Variants in MUC4 observed in about 807,000 individuals in gnomAD.
MUC4 encodes mucin-4.
In MUC4, 202 loss-of-function variants were observed where a neutral mutation model predicts 257.9. That is an observed-to-expected ratio of 0.78 (90% CI 0.70 to 0.88). The LOEUF is 0.88. Ranked by LOEUF, MUC4 falls within the 40% of genes least tolerant of loss-of-function variation. The pLI is 0.00. For missense variants in MUC4, 5,976 were observed against 6,513.7 expected (o/e 0.92, Z 2.84); for synonymous variants, 2,351 against 2,757.1 (o/e 0.85, Z 4.62).
At chr3:195,752,184 C>T (rs922845214) in intron 21 of MUC4, 189 bp downstream of exon 21, 2 of 607,212 alleles carry the variant, frequency 3.3e-6, no homozygotes, top group South Asian at 2.0e-5. Flanking sequence ...TATGATGAGT[C>T]GAGGTTTCTG....
intron 7 of MUC4, among the ~76,000 whole-genome samples, chr3:195,767,522 CCACCATCGCCACCACCATCATCACCAT>C (rs1720970787): frequency 8.7e-6 from 1 of 115,248 alleles, no homozygotes; most frequent in Non-Finnish European, 1.8e-5. Flanking sequence ...ACCATCACCA[CCACCATCGCCACCACCATCATCACCAT>C]CACCATTACC....
chr3:195,797,141 C>T (rs1466065876), intron 1 of MUC4, among the ~76,000 whole-genome samples: 1 of 151,880 alleles, frequency 6.6e-6, no homozygotes. Flanking sequence ...TGGTGGCACA[C>T]ACCTGTAATC....
Position 195,789,283 on chromosome 3 carries a change from G to A in MUC4, c.2297C>T (p.Thr766Ile). The A allele has an allele frequency of 6.2e-7, 1 of 1,613,924 alleles. No homozygotes were observed. Among genetic ancestry groups the A allele is most frequent in the African/African-American group, 1.3e-5 (1 of 75,016 alleles). Residue 766 changes from threonine to isoleucine, a missense_variant, in exon 2 of 25, where the codon ACA becomes ATA. By Grantham distance (89) the Thr-to-Ile change is moderately conservative. Coordinates refer to ENST00000463781, the MANE Select transcript of MUC4 (RefSeq NM_018406.7). Reference sequence around the variant, plus strand: ...GTGGGTATGGGTCATGGCTGCTGCTGTGTCAGGTGAGGTGCTGGCAGAGGC... The same window carrying A: ...GTGGGTATGGGTCATGGCTGCTGCTATGTCAGGTGAGGTGCTGGCAGAGGC... ...TSASASTSPDTAAAMTHTHQA... is the reference protein window; with the variant it reads ...TSASASTSPDIAAAMTHTHQA...
At chr3:195,751,767 C>T (rs1186209821) in intron 21 of MUC4, 9 of 212,150 alleles carry the variant, frequency 4.2e-5, no homozygotes, top group South Asian at 2.0e-4. Flanking sequence ...GTGATAATAG[C>T]AGTCATCATG....
At chr3:195,770,745 T>G in intron 5 of MUC4, 1 of 424,908 alleles carries the variant, frequency 2.4e-6, no homozygotes. Context: ...GCCTCCACAC[T>G]GCCCTGTCCG....
chr3:195,798,566 T>C (rs1446904291), intron 1 of MUC4, among the ~76,000 whole-genome samples: 17 of 151,626 alleles, frequency 1.1e-4, no homozygotes, highest in Admixed American at 3.9e-4. Context: ...TAGCCGGGCG[T>C]GGTGGCGGGC....
Position 195,790,099 on chromosome 3 carries a change from C to A in MUC4, c.1481G>T (p.Ser494Ile). 1 of 1,614,014 alleles carries A rather than the reference C, an allele frequency of 6.2e-7. No individual in the cohort carries two copies. Among genetic ancestry groups the A allele is most frequent in the Non-Finnish European group, 8.5e-7 (1 of 1,179,894 alleles). ...ETTTWPSSFS[S>I]KGHTTWSQTE... ...TTGTGACCAAGTTGTGTGGCCTTTG[C>A]TGGAGAATGAGGAAGGCCATGTTGT... Residue 494 changes from serine to isoleucine, a missense_variant, in exon 2 of 25, where the codon AGC becomes ATC. Ser to Ile is a moderately radical substitution (Grantham distance 142). This residue lies in a region of MUC4 where 1,583 missense variants were observed against 1,257.4 expected (regional missense o/e 1.26). Transcript: ENST00000463781.
At position 195,790,901 on chromosome 3, in the gene MUC4, T is replaced by C. The variant is rs780183179; in HGVS notation, c.679A>G (p.Ser227Gly). Residue 227 changes from serine to glycine, a missense_variant, in exon 2 of 25, where the codon AGT becomes GGT. This residue lies in a region of MUC4 where 1,583 missense variants were observed against 1,257.4 expected (regional missense o/e 1.26). Transcript: ENST00000463781. ...ACAGTCCCTGTCACATTGTGTACACTTGGAGAGAAAGAAGGAGTTGAAGTG... is the reference window on the plus strand; with the variant it reads ...ACAGTCCCTGTCACATTGTGTACACCTGGAGAGAAAGAAGGAGTTGAAGTG... ...RTTSTPSFSP[S>G]VHNVTGTVSQ... 7.4e-6 allele frequency: 12 copies of C among 1,613,986 alleles called. No individual in the cohort carries two copies. The South Asian group carries it at 1.2e-4, about 16-fold the overall frequency.
In MUC4 at chr3:195,749,067, G is replaced by A; in HGVS notation, c.15872-3C>T. ...AGCCTTCAGCGTGCTCACGTTCACT[G>A]TCGGGAAGGACACAGATTAACACAG... On this transcript the variant is annotated splice_polypyrimidine_tract_variant and splice_region_variant and intron_variant, in intron 23 of 24. Coordinates refer to ENST00000463781, the MANE Select transcript of MUC4 (RefSeq NM_018406.7). 1 of 1,606,876 alleles carries A rather than the reference G, an allele frequency of 6.2e-7. No homozygotes were observed. Among genetic ancestry groups the A allele is most frequent in the Non-Finnish European group, 8.5e-7 (1 of 1,175,866 alleles).
At chr3:195,793,328 C>A (rs1280561164) in intron 1 of MUC4, among the ~76,000 whole-genome samples, 1 of 151,140 alleles carries the variant, frequency 6.6e-6, no homozygotes, top group African/African-American at 2.4e-5. Flanking sequence ...AAAACCCCGT[C>A]TCTACTAGAA....
rs1553889795 is a variant in MUC4, at chr3:195,799,260, T to TGTGTGTGTGTGTGTGTGTGTGAGA, written c.83-7764_83-7763insTCTCACACACACACACACACACAC. 1.8e-4 allele frequency among the ~76,000 whole-genome samples: 27 copies of TGTGTGTGTGTGTGTGTGTGTGAGA among 149,228 alleles called. 1 individual carries two copies. In the South Asian group the frequency reaches 5.5e-3, roughly 30 times the overall value. ...GTGTGTGTGTGTGTGTGTGTGTGTGTGACACTGTGTGTGTGTGTCCCTGCC... is the reference window on the plus strand; with the variant it reads ...GTGTGTGTGTGTGTGTGTGTGTGTGTGTGTGTGTGTGTGTGTGTGTGAGAGACACTGTGTGTGTGTGTCCCTGCC... On this transcript the variant is annotated intron_variant, in intron 1 of 24. Transcript: ENST00000463781.
intron 3 of MUC4, among the ~76,000 whole-genome samples, chr3:195,774,673 G>A (rs1478266000): frequency 6.6e-6 from 1 of 151,992 alleles, no homozygotes; most frequent in Non-Finnish European, 1.5e-5. Flanking sequence ...AGGCTGAGGC[G>A]GGAGGATCAC....
Position 195,776,075 on chromosome 3 carries a change from C to T in MUC4, c.12944-1770G>A, listed in dbSNP as rs1418384594. ...CACACCCATACCTTCCACACCCTTA[C>T]CTTCCACACCCATACCTTCCACACC... is the stretch of plus-strand genomic sequence containing the variant. On this transcript the variant is annotated intron_variant, in intron 3 of 24. Transcript: ENST00000463781. Among the ~76,000 whole-genome samples, 117 of 30,908 alleles carry T rather than the reference C, an allele frequency of 3.8e-3. 4 individuals are homozygous for T. Among genetic ancestry groups the T allele is most frequent in the African/African-American group, 0.029 (111 of 3,858 alleles). 20.3% of individuals were successfully genotyped at this position (30,908 alleles called of 152,430 possible). A position where few individuals can be genotyped will look rare whatever the true frequency, so the allele number is the denominator to read the frequency against.
At chr3:195,797,718 TG>T (rs1560413291) in intron 1 of MUC4, among the ~76,000 whole-genome samples, 1 of 152,236 alleles carries the variant, frequency 6.6e-6, no homozygotes. Flanking sequence ...AACAAGCCTA[TG>T]GTTATTTGCA....
At chr3:195,749,133 C>T (rs1158087728) in intron 23 of MUC4, 69 bp from the exon 24 acceptor site, 25 of 1,563,222 alleles carry the variant, frequency 1.6e-5, no homozygotes, top group South Asian at 5.8e-5. Context: ...TTTTCAGCCA[C>T]GAATTCCTTT....
At chr3:195,747,530 A>ACTG (rs1483868494) in intron 24 of MUC4, 150 bp from the exon 25 acceptor site, 78 of 984,856 alleles carry the variant, frequency 7.9e-5, no homozygotes, top group Admixed American at 1.0e-4. Flanking sequence ...GGCCGTGCTG[A>ACTG]AGTGAGACCA....
chr3:195,795,200 G>T (rs1013277074), intron 1 of MUC4, among the ~76,000 whole-genome samples: 1 of 152,110 alleles, frequency 6.6e-6, no homozygotes, highest in Admixed American at 6.5e-5. Context: ...AAGAGCATTT[G>T]TCTATCATCA....
chr3:195,778,791 T>C lies in MUC4; in HGVS notation c.12789A>G (p.Pro4263=), dbSNP rs371225291. The C allele has an allele frequency of 8.1e-6, 13 of 1,608,592 alleles. No individual in the cohort carries two copies. The highest frequency in any genetic ancestry group is 1.1e-5 in the Non-Finnish European group (13 of 1,177,330). Residue 4263 remains proline (P), a splice_region_variant and synonymous_variant, in exon 2 of 25, where the codon CCA becomes CCG. Transcript: ENST00000463781. ...AAAGGCGAGGCAGTTGGCAGCTACC[T>C]GGTGTTTCCATCTTCAGAGGGGAGT... ...SSDSPLKMET[P]GMTTPSLKTD...
rs1297521878 is a variant in MUC4 at position 195,811,740 on chromosome 3, G to C, written c.78C>G (p.Val26=). Residue 26 remains valine, a synonymous_variant, in exon 1 of 25, where the codon GTC becomes GTG. Transcript: ENST00000463781. ...CLCLCLLPHV[V]PGTTEDTLIT... ...TCTGCTGTCTCCATCACTTACCTGG[G>C]ACCACATGCGGAAGGAGGCAGAGAC... The C allele has an allele frequency of 1.2e-6, 2 of 1,613,864 alleles. No homozygotes were observed. The highest frequency in any genetic ancestry group is 3.3e-5 in the Admixed American group (2 of 60,008).
Sources: allele counts gnomAD v4.1 joint callset (sites outside exome capture counted in the v4.1 genomes callset), GRCh38; gene constraint gnomAD v4.1.1; regional missense constraint gnomAD v4.1.1; transcripts MANE v1.5; gene names NCBI Gene and HGNC (gene_info 2026-07-23, HGNC 2026-07-21).